The following GPR158 variants were observed in gnomAD, a reference collection of about 807,000 sequenced individuals.
The protein encoded by GPR158 is metabotropic glycine receptor.
GPR158 carries 30 observed loss-of-function variants against 78.2 expected under a neutral mutation model. The ratio of observed to expected loss-of-function variants is 0.38; its 90% confidence interval spans 0.29 to 0.52. The LOEUF is 0.52. Among genes scored for constraint, GPR158 ranks in the 20% least tolerant of loss-of-function variants. The pLI is 0.83. For missense variants in GPR158, 1,463 were observed against 1,523.5 expected (o/e 0.96, Z 0.66); for synonymous variants, 581 against 591.1 (o/e 0.98, Z 0.25).
chr10:25,484,008 C>G (rs1835698768), intron 5 of GPR158, among the ~76,000 whole-genome samples: 1 of 152,154 alleles, frequency 6.6e-6, no homozygotes, highest in Non-Finnish European at 1.5e-5. Flanking sequence ...TTGTGTCTCT[C>G]TAAATCTTTA....
intron 5 of GPR158, among the ~76,000 whole-genome samples, chr10:25,545,296 T>C (rs1161847779): frequency 6.6e-6 from 1 of 152,182 alleles, no homozygotes; most frequent in Non-Finnish European, 1.5e-5. Flanking sequence ...TCTTCCACAA[T>C]GGCTGAACTA....
At chr10:25,374,482 A>C (rs1426569569) in intron 2 of GPR158, among the ~76,000 whole-genome samples, 1 of 151,764 alleles carries the variant, frequency 6.6e-6, no homozygotes, top group Non-Finnish European at 1.5e-5. Flanking sequence ...TCACAAATGT[A>C]GGTTTGTATA....
intron 7 of GPR158, among the ~76,000 whole-genome samples, chr10:25,580,051 C>T (rs988695597): frequency 1.3e-5 from 2 of 152,180 alleles, no homozygotes; most frequent in African/African-American, 4.8e-5. Flanking sequence ...CATGAGGAGT[C>T]TCATGGTTCT....
At position 25,528,921 on chromosome 10, in the gene GPR158, G is replaced by A. The variant is rs138975560; in HGVS notation, c.1405-22055G>A. On this transcript the variant is annotated intron_variant, in intron 5 of 10. Transcript: ENST00000376351. ...TAATTGGCCTAAGGAGAGAGAAATA[G>A]ATCAATGGGACAAAATAAAGCAACC... 2.1e-3 allele frequency among the ~76,000 whole-genome samples: 323 copies of A among 152,270 alleles called. 3 individuals carry two copies. The highest frequency in any genetic ancestry group is 7.5e-3 in the African/African-American group (310 of 41,562).
chr10:25,341,802 AAAGTT>A (rs1167840152), intron 2 of GPR158, among the ~76,000 whole-genome samples: 2 of 151,876 alleles, frequency 1.3e-5, no homozygotes, highest in East Asian at 1.9e-4. Flanking sequence ...GCATTTATTT[AAAGTT>A]AAGTCCATCC....
intron 2 of GPR158, among the ~76,000 whole-genome samples, chr10:25,251,129 A>T (rs370092428): frequency 6.0e-4 from 92 of 152,074 alleles, no homozygotes; most frequent in Non-Finnish European, 1.0e-3. Flanking sequence ...GAGACTAGGA[A>T]TGCAACCCCT....
chr10:25,429,461 A>G (rs1834867939), intron 4 of GPR158, among the ~76,000 whole-genome samples: 1 of 152,060 alleles, frequency 6.6e-6, no homozygotes, highest in Admixed American at 6.6e-5. Context: ...CAGAGTTTCA[A>G]ATGTTTATTT....
At chr10:25,380,746 A>G (rs1177301558) in intron 2 of GPR158, among the ~76,000 whole-genome samples, 1 of 152,230 alleles carries the variant, frequency 6.6e-6, no homozygotes, top group Non-Finnish European at 1.5e-5. Flanking sequence ...TGTGTAATAT[A>G]TAAGAAACGG....
chr10:25,206,442 T>C (rs1244060955), intron 1 of GPR158, among the ~76,000 whole-genome samples: 1 of 152,182 alleles, frequency 6.6e-6, no homozygotes, highest in Non-Finnish European at 1.5e-5. Flanking sequence ...TTTCTAGTTT[T>C]AAAGTTTAAC....
chr10:25,273,499 A>G (rs945333469), intron 2 of GPR158, among the ~76,000 whole-genome samples: 2 of 144,080 alleles, frequency 1.4e-5, no homozygotes, highest in East Asian at 4.1e-4. Context: ...CTTTAAACGT[A>G]TTTTTCAGAT....
At chr10:25,297,015 T>A (rs950521291) in intron 2 of GPR158, among the ~76,000 whole-genome samples, 2 of 152,220 alleles carry the variant, frequency 1.3e-5, no homozygotes, top group African/African-American at 4.8e-5. Context: ...CATATTTTTG[T>A]GTCTGTGTCC....
chr10:25,504,966 C>T (rs1588890424), intron 5 of GPR158, among the ~76,000 whole-genome samples: 1 of 152,136 alleles, frequency 6.6e-6, no homozygotes, highest in African/African-American at 2.4e-5. Context: ...AACTGCAGCA[C>T]CTACTAGCTG....
rs1204859413 is a variant in GPR158 at position 25,492,858 on chromosome 10, TTAA to T, written c.1404+26142_1404+26144del. Among the ~76,000 whole-genome samples the T allele has an allele frequency of 2.9e-4, 43 of 148,528 alleles. 1 individual carries two copies. The highest frequency in any genetic ancestry group is 3.6e-3 in the Middle Eastern group (1 of 280). On this transcript the variant is annotated intron_variant, in intron 5 of 10. Coordinates refer to ENST00000376351, the MANE Select transcript of GPR158 (RefSeq NM_020752.3). ...TACTAATTATATGTATTTTAATATT[TTAA>T]TATTAATATATAATTGATATATAAA...
At chr10:25,379,832 C>T (rs1834130994) in intron 2 of GPR158, among the ~76,000 whole-genome samples, 1 of 151,756 alleles carries the variant, frequency 6.6e-6, no homozygotes, top group South Asian at 2.1e-4. Context: ...CCCAGTGCTT[C>T]ATATCATGAA....
chr10:25,433,463 G>A (rs144203914), intron 4 of GPR158, among the ~76,000 whole-genome samples: 1 of 151,870 alleles, frequency 6.6e-6, no homozygotes, highest in Non-Finnish European at 1.5e-5. Context: ...GTTACTACAC[G>A]CTTTTGAATT....
At chr10:25,193,900 AAAG>A (rs1025227688) in intron 1 of GPR158, among the ~76,000 whole-genome samples, 4 of 152,228 alleles carry the variant, frequency 2.6e-5, no homozygotes, top group Admixed American at 6.5e-5. Flanking sequence ...AAAAAAAAAA[AAAG>A]AAAATTCAGA....
intron 3 of GPR158, among the ~76,000 whole-genome samples, chr10:25,399,849 C>A (rs551617684): frequency 6.6e-6 from 1 of 152,098 alleles, no homozygotes; most frequent in South Asian, 2.1e-4. Context: ...AGTATCCAGG[C>A]AAGTTATAGG....
At chr10:25,244,793 A>G (rs542279046) in intron 2 of GPR158, 8 of 152,248 alleles carry the variant, frequency 5.3e-5, no homozygotes, top group South Asian at 2.1e-4. Context: ...GATACTCCTC[A>G]CAATGGAAAT....
At chr10:25,420,683 G>A (rs1156517634) in intron 4 of GPR158, among the ~76,000 whole-genome samples, 3 of 152,054 alleles carry the variant, frequency 2.0e-5, no homozygotes, top group Non-Finnish European at 4.4e-5. Flanking sequence ...TTTTGCATAT[G>A]AATTTCCAGT....
Sources: gnomAD v4.1 joint callset for allele counts (sites outside exome capture counted in the v4.1 genomes callset) on GRCh38, gnomAD v4.1.1 for gene constraint, MANE v1.5 for transcripts, NCBI Gene and HGNC (gene_info 2026-07-23, HGNC 2026-07-21) for gene names.